CSMD1: variants seen among roughly 807,000 people sequenced by gnomAD.
CSMD1 encodes CUB and Sushi multiple domains 1.
A neutral mutation model predicts 417.5 loss-of-function variants in CSMD1; 213 were observed. That is an observed-to-expected ratio of 0.51 (90% confidence interval 0.46 to 0.57). The LOEUF (loss-of-function observed/expected upper bound fraction) is 0.57, where lower values mean the gene tolerates loss of function less well. Among genes scored for constraint, CSMD1 ranks in the 20% least tolerant of loss-of-function variants. The pLI is 0.00. For synonymous variants in CSMD1, 2,862 were observed against 1,736.8 expected, an observed-to-expected ratio of 1.65 and a Z score of -16.11; for missense variants, 6,923 against 4,529.7, an observed-to-expected ratio of 1.53 and a Z score of -15.17.
Position 4,107,974 on chromosome 8 carries a change from C to T in CSMD1, c.416-75875G>A, listed in dbSNP as rs545572171. On this transcript the variant is annotated intron_variant, in intron 3 of 69. Transcript: ENST00000635120. ...AAACTGCAGTAAAAGTAGCATTGAC[C>T]GGGGAGCTTAGAGAAGTAGAAAGTA... 1.5e-4 allele frequency among the ~76,000 whole-genome samples: 23 copies of T among 151,626 alleles called. No homozygotes were observed. The East Asian group carries it at 4.1e-3, about 27-fold the overall frequency.
chr8:3,663,740 C>T (rs1470880991), intron 7 of CSMD1, among the ~76,000 whole-genome samples: 1 of 152,148 alleles, frequency 6.6e-6, no homozygotes, highest in Non-Finnish European at 1.5e-5. Flanking sequence ...GTTGTCCTGC[C>T]TTTCTGGACC....
chr8:4,168,016 C>A (rs548318838), intron 3 of CSMD1, among the ~76,000 whole-genome samples: 290 of 151,922 alleles, frequency 1.9e-3, no homozygotes, highest in Non-Finnish European at 3.1e-3. Flanking sequence ...GTAATCCCAG[C>A]TAATCAGGAA....
chr8:4,015,890 A>G (rs1459935511), intron 4 of CSMD1, among the ~76,000 whole-genome samples: 1 of 152,154 alleles, frequency 6.6e-6, no homozygotes, highest in East Asian at 1.9e-4. Flanking sequence ...CATGCTTCCA[A>G]GCAAAACAGA....
chr8:3,493,081 G>C lies in CSMD1; in HGVS notation c.1448+542C>G, dbSNP rs563919145. ...GGCTGAAGTGGGCAAATCACCAGAGGTCAGGAGTTCGAGACCAACCGGGCC... is the reference window on the plus strand; with the variant it reads ...GGCTGAAGTGGGCAAATCACCAGAGCTCAGGAGTTCGAGACCAACCGGGCC... On this transcript the variant is annotated intron_variant, in intron 11 of 69. Coordinates refer to ENST00000635120, the MANE Select transcript of CSMD1 (RefSeq NM_033225.6). Among the ~76,000 whole-genome samples, 18 of 152,104 alleles carry C rather than the reference G, an allele frequency of 1.2e-4. No homozygotes were observed. In the East Asian group the frequency reaches 2.7e-3, roughly 23 times the overall value.
At chr8:4,369,941 A>G (rs1211097968) in intron 3 of CSMD1, among the ~76,000 whole-genome samples, 1 of 152,208 alleles carries the variant, frequency 6.6e-6, no homozygotes, top group African/African-American at 2.4e-5. Context: ...CATTTAACCC[A>G]TTTACATTCT....
intron 8 of CSMD1, among the ~76,000 whole-genome samples, chr8:3,601,824 T>A (rs1453610382): frequency 1.3e-5 from 2 of 152,190 alleles, no homozygotes; most frequent in Non-Finnish European, 2.9e-5. Flanking sequence ...CTCAAATGAT[T>A]CATTCTGTTT....
intron 5 of CSMD1, among the ~76,000 whole-genome samples, chr8:3,913,177 T>G (rs1156673402): frequency 1.3e-5 from 2 of 151,996 alleles, no homozygotes; most frequent in African/African-American, 4.8e-5. Flanking sequence ...AGATGTTGAG[T>G]TGAGAACCGA....
At chr8:3,863,018 T>G (rs1252099520) in intron 5 of CSMD1, among the ~76,000 whole-genome samples, 1 of 152,190 alleles carries the variant, frequency 6.6e-6, no homozygotes, top group Non-Finnish European at 1.5e-5. Context: ...CTGGTAAGAT[T>G]TGCTTTGTCT....
intron 18 of CSMD1, among the ~76,000 whole-genome samples, chr8:3,370,304 G>A (rs1468814776): frequency 6.6e-6 from 1 of 152,148 alleles, no homozygotes; most frequent in African/African-American, 2.4e-5. Context: ...AAAGGAAATG[G>A]AGTCACCAGA....
At chr8:4,970,220 G>A (rs755243733) in intron 1 of CSMD1, among the ~76,000 whole-genome samples, 8 of 152,042 alleles carry the variant, frequency 5.3e-5, no homozygotes, top group Admixed American at 3.3e-4. Context: ...TTCTTACTCT[G>A]CCATTCATTC....
At position 3,270,655 on chromosome 8, in the gene CSMD1, C is replaced by T. The variant is rs149768726; in HGVS notation, c.4153+13489G>A. On this transcript the variant is annotated intron_variant, in intron 26 of 69. Coordinates refer to ENST00000635120, the MANE Select transcript of CSMD1 (RefSeq NM_033225.6). ...TTCTTTACTCATCAAAGCAAGTCTA[C>T]AGTATCAAGTACTTCTGATAATAAA... 5.5e-3 allele frequency among the ~76,000 whole-genome samples: 837 copies of T among 152,278 alleles called. 5 individuals are homozygous for T. Among genetic ancestry groups the T allele is most frequent in the Middle Eastern group, 0.014 (4 of 294 alleles).
At chr8:3,440,750 T>C (rs1006897809) in intron 12 of CSMD1, among the ~76,000 whole-genome samples, 1 of 152,206 alleles carries the variant, frequency 6.6e-6, no homozygotes, top group Non-Finnish European at 1.5e-5. Flanking sequence ...CAGTCTTTCA[T>C]CAGTAAGGTT....
chr8:3,317,886 C>T (rs1310830159), intron 23 of CSMD1, among the ~76,000 whole-genome samples: 1 of 152,214 alleles, frequency 6.6e-6, no homozygotes, highest in African/African-American at 2.4e-5. Flanking sequence ...TCTTGGCTCA[C>T]TACAGCCTTG....
chr8:4,228,879 C>T (rs1801529415), intron 3 of CSMD1, among the ~76,000 whole-genome samples: 1 of 151,824 alleles, frequency 6.6e-6, no homozygotes, highest in African/African-American at 2.4e-5. Context: ...ACCGGCTTTC[C>T]CCAAGTTGGC....
intron 2 of CSMD1, among the ~76,000 whole-genome samples, chr8:4,586,606 A>G (rs925377948): frequency 1.3e-5 from 2 of 152,086 alleles, no homozygotes; most frequent in Non-Finnish European, 2.9e-5. Flanking sequence ...GGACTTTTGG[A>G]TAAACACTGT....
intron 5 of CSMD1, among the ~76,000 whole-genome samples, chr8:3,947,799 G>A (rs188930687): frequency 3.9e-5 from 6 of 152,254 alleles, no homozygotes; most frequent in Admixed American, 2.6e-4. Context: ...CTGTTCAAGG[G>A]GAAGTGTTTC....
intron 25 of CSMD1, among the ~76,000 whole-genome samples, chr8:3,293,812 C>T (rs1027267867): frequency 3.3e-5 from 5 of 152,202 alleles, no homozygotes; most frequent in African/African-American, 9.6e-5. Context: ...TCATCTGAAG[C>T]CTTCTTCTCT....
intron 3 of CSMD1, among the ~76,000 whole-genome samples, chr8:4,183,678 T>A (rs959017015): frequency 3.3e-5 from 5 of 152,236 alleles, no homozygotes; most frequent in Non-Finnish European, 5.9e-5. Flanking sequence ...AAAATAATTT[T>A]GTTGTGAGCA....
intron 5 of CSMD1, among the ~76,000 whole-genome samples, chr8:3,877,501 T>A (rs987587737): frequency 6.6e-6 from 1 of 152,040 alleles, no homozygotes; most frequent in Non-Finnish European, 1.5e-5. Flanking sequence ...AGGGAGGAAA[T>A]TTACTTATGG....
Sources: gnomAD v4.1 joint callset for allele counts (sites outside exome capture counted in the v4.1 genomes callset) on GRCh38, gnomAD v4.1.1 for gene constraint, MANE v1.5 for transcripts, NCBI Gene and HGNC (gene_info 2026-07-23, HGNC 2026-07-21) for gene names.